DOCK10: variants seen among roughly 807,000 people sequenced by gnomAD.
DOCK10 encodes dedicator of cytokinesis 10, also known as dedicator of cytokinesis protein 10.
In DOCK10, 145 loss-of-function variants were observed where a neutral mutation model predicts 280.1. The ratio of observed to expected loss-of-function variants is 0.52; its 90% CI spans 0.45 to 0.59. The LOEUF is 0.59. Ranked by LOEUF, DOCK10 falls within the 20% of genes least tolerant of loss-of-function variation. The pLI is 0.00. For synonymous variants in DOCK10, 915 were observed against 942.2 expected (o/e 0.97, Z 0.53); for missense variants, 2,368 against 2,651.7 (o/e 0.89, Z 2.35).
intron 31 of DOCK10, among the ~76,000 whole-genome samples, chr2:224,808,522 G>A (rs1004657054): frequency 1.3e-5 from 2 of 152,106 alleles, no homozygotes; most frequent in African/African-American, 4.8e-5. Flanking sequence ...TGGGAGAAGC[G>A]ATTGGATTTT....
intron 30 of DOCK10, 96 bp downstream of exon 30, chr2:224,816,521 G>C (rs1694145893): frequency 1.3e-6 from 1 of 798,514 alleles, no homozygotes; most frequent in Admixed American, 2.5e-5. Context: ...AATTATGACT[G>C]AAGAAACAGG....
At chr2:224,852,288 C>T (rs1194650964) in intron 18 of DOCK10, 89 bp downstream of exon 18, 1 of 958,980 alleles carries the variant, frequency 1.0e-6, no homozygotes, top group African/African-American at 1.7e-5. Context: ...CTTTCAACCA[C>T]ACTCACATAA....
chr2:224,919,371 G>A (rs1044212470), intron 2 of DOCK10, among the ~76,000 whole-genome samples: 1 of 150,978 alleles, frequency 6.6e-6, no homozygotes, highest in Admixed American at 6.6e-5. Context: ...GTCTGTATAG[G>A]TGGTGTGAAT....
chr2:224,931,076 C>T (rs1182962688), intron 2 of DOCK10, among the ~76,000 whole-genome samples: 1 of 152,218 alleles, frequency 6.6e-6, no homozygotes. Flanking sequence ...TCTAGCCTAC[C>T]TTTCTTTGCC....
intron 30 of DOCK10, among the ~76,000 whole-genome samples, chr2:224,815,212 C>T (rs115038821): frequency 0.01 from 1,578 of 152,262 alleles, 24 homozygotes; most frequent in African/African-American, 0.036. Flanking sequence ...CTCCTGCCGC[C>T]ATGTGAAGAA....
intron 18 of DOCK10, among the ~76,000 whole-genome samples, chr2:224,851,447 C>CCT (rs773790377): frequency 8.6e-6 from 1 of 116,852 alleles, no homozygotes; most frequent in Non-Finnish European, 1.9e-5. Context: ...TCAAGACCTT[C>CCT]TTTTTTTTTT....
At chr2:224,913,901 G>GTTT (rs1197207413) in intron 3 of DOCK10, among the ~76,000 whole-genome samples, 1 of 151,142 alleles carries the variant, frequency 6.6e-6, no homozygotes, top group East Asian at 1.9e-4. Context: ...CTAATTTTTT[G>GTTT]GTTTTTTTTT....
At chr2:225,017,109 C>T (rs200357095) in intron 1 of DOCK10, among the ~76,000 whole-genome samples, 1 of 35,396 alleles carries the variant, frequency 2.8e-5, no homozygotes, top group African/African-American at 9.9e-5. Context: ...TAAAATTAAA[C>T]CAAAAAAAAA....
At chr2:224,842,227 C>T (rs1696012759) in intron 22 of DOCK10, among the ~76,000 whole-genome samples, 1 of 152,236 alleles carries the variant, frequency 6.6e-6, no homozygotes, top group Admixed American at 6.5e-5. Context: ...CCCACTCCTG[C>T]TTCTTCCATA....
chr2:224,983,598 G>A, intron 1 of DOCK10: 1 of 333,030 alleles, frequency 3.0e-6, no homozygotes. Context: ...TGTAACGTGT[G>A]GCCGCCCCAG....
At chr2:225,014,110 A>G (rs1215814540) in intron 1 of DOCK10, among the ~76,000 whole-genome samples, 2 of 74,500 alleles carry the variant, frequency 2.7e-5, no homozygotes, top group South Asian at 5.5e-4. Context: ...TTTTTTTTTT[A>G]AGAAATACAG....
chr2:224,936,268 A>G (rs1247094163), intron 1 of DOCK10, among the ~76,000 whole-genome samples: 2 of 152,192 alleles, frequency 1.3e-5, no homozygotes, highest in Non-Finnish European at 2.9e-5. Context: ...TATTTTGCAT[A>G]TAATTGGCTT....
chr2:224,789,949 T>A (rs1417213755), intron 47 of DOCK10, among the ~76,000 whole-genome samples: 1 of 151,980 alleles, frequency 6.6e-6, no homozygotes, highest in Non-Finnish European at 1.5e-5. Flanking sequence ...CCCAGCTAAT[T>A]TTTGTATTTT....
rs372681905 is a variant in DOCK10 at position 224,790,669 on chromosome 2, T to C, written c.5312-1499A>G. Among the ~76,000 whole-genome samples the C allele has an allele frequency of 1.1e-4, 17 of 152,206 alleles. No individual in the cohort carries two copies. The East Asian group carries it at 2.5e-3, about 22-fold the overall frequency. ...ATTAAACATATATTAAACTATATGA[T>C]AGTTAATTGTAGGAGAAGTCACAAC... is the stretch of plus-strand genomic sequence containing the variant. On this transcript the variant is annotated intron_variant, in intron 47 of 55. Coordinates refer to ENST00000258390, the MANE Select transcript of DOCK10 (RefSeq NM_014689.3).
chr2:224,889,681 G>A (rs1165303102), intron 4 of DOCK10, among the ~76,000 whole-genome samples: 1 of 152,200 alleles, frequency 6.6e-6, no homozygotes, highest in African/African-American at 2.4e-5. Context: ...GGATGGCAGA[G>A]GAAGTAGCAG....
intron 1 of DOCK10, among the ~76,000 whole-genome samples, chr2:224,997,525 C>T (rs1426755445): frequency 1.3e-5 from 2 of 152,198 alleles, no homozygotes; most frequent in African/African-American, 4.8e-5. Context: ...AGCCACCGCG[C>T]CCGGCTGTCC....
chr2:224,788,443 C>G (rs935091957), intron 48 of DOCK10, among the ~76,000 whole-genome samples: 2 of 152,010 alleles, frequency 1.3e-5, no homozygotes, highest in Non-Finnish European at 2.9e-5. Flanking sequence ...CGTTTATTTG[C>G]AATATATGCT....
chr2:225,011,598 C>T (rs1689441146), intron 1 of DOCK10, among the ~76,000 whole-genome samples: 1 of 152,150 alleles, frequency 6.6e-6, no homozygotes, highest in Admixed American at 6.6e-5. Flanking sequence ...AACTGAAATG[C>T]ATCTATTTAA....
Position 224,804,171 on chromosome 2 carries a change from G to T in DOCK10, c.4209C>A (p.Asn1403Lys), listed in dbSNP as rs540873292. The change falls in exon 39 of 56, where the codon AAC becomes AAA. Residue 1403 changes from asparagine to lysine, a missense_variant. Transcript: ENST00000258390. ...GATTGGATCCTTTGAGAGTTCCATT[G>T]TTCTGGGTGGACTGCACAAATTTAA... ...AAFKFVQSTQ[N>K]NGTLKGSNPS... is the part of the protein sequence containing the mutation. 5.0e-6 allele frequency: 8 copies of T among 1,612,110 alleles called. No individual in the cohort carries two copies. The Admixed American group carries it at 1.3e-4, about 27-fold the overall frequency.
Sources: allele counts gnomAD v4.1 joint callset (sites outside exome capture counted in the v4.1 genomes callset), GRCh38; gene constraint gnomAD v4.1.1; transcripts MANE v1.5; gene names NCBI Gene and HGNC (gene_info 2026-07-23, HGNC 2026-07-21).